The following EIF4G3 variants were observed in gnomAD, a reference collection of about 807,000 sequenced individuals.
EIF4G3 encodes eIF-4-gamma 3.
Under a neutral mutation model 186.4 loss-of-function variants are expected in EIF4G3, and 34 were observed. The ratio of observed to expected loss-of-function variants is 0.18; its 90% CI spans 0.14 to 0.24. EIF4G3 has a LOEUF of 0.24. EIF4G3 is among the 10% of genes least tolerant of loss of function. EIF4G3 has a pLI of 1.00. For missense variants in EIF4G3, 1,536 were observed against 1,948.5 expected (o/e 0.79, Z 3.99); for synonymous variants, 673 against 679.5 (o/e 0.99, Z 0.15).
chr1:21,056,209 T>C (rs747962484), intron 3 of EIF4G3, among the ~76,000 whole-genome samples: 15 of 152,180 alleles, frequency 9.9e-5, no homozygotes, highest in Non-Finnish European at 2.1e-4. Context: ...AAAAAGGCAC[T>C]TCCTCCTAAA....
At chr1:20,940,619 C>T (rs1451645959) in intron 14 of EIF4G3, among the ~76,000 whole-genome samples, 6 of 152,132 alleles carry the variant, frequency 3.9e-5, no homozygotes, top group African/African-American at 9.7e-5. Flanking sequence ...ATCAAAAAGC[C>T]CAATTTACAT....
At position 21,023,966 on chromosome 1, in the gene EIF4G3, G is replaced by A. The variant is rs1387672043; in HGVS notation, c.-66-21158C>T. Among the ~76,000 whole-genome samples, 3 of 82,378 alleles carry A rather than the reference G, an allele frequency of 3.6e-5. No homozygotes were observed. In the Admixed American group the frequency reaches 3.7e-4, roughly 10 times the overall value. 54.0% of individuals were successfully genotyped at this position (82,378 alleles called of 152,430 possible). On this transcript the variant is annotated intron_variant, in intron 4 of 36. Transcript: ENST00000602326. ...CCGGCCACGACCCCATCTGGGAGGT[G>A]AGGAGCGTCTCTGCCCGGCCGCCCA...
At chr1:20,972,950 A>T (rs971835152) in intron 11 of EIF4G3, 52 bp downstream of exon 11, 3 of 1,426,152 alleles carry the variant, frequency 2.1e-6, no homozygotes, top group African/African-American at 2.9e-5. Flanking sequence ...CTTATCTGAT[A>T]AGTGAATAGA....
At chr1:21,015,353 C>A (rs1396227673) in intron 4 of EIF4G3, among the ~76,000 whole-genome samples, 1 of 151,018 alleles carries the variant, frequency 6.6e-6, no homozygotes, top group East Asian at 1.9e-4. Context: ...AAGATTATTT[C>A]AAAAAAAATA....
At chr1:20,896,353 T>C (rs1244173451) in intron 16 of EIF4G3, among the ~76,000 whole-genome samples, 1 of 150,444 alleles carries the variant, frequency 6.6e-6, no homozygotes, top group African/African-American at 2.4e-5. Context: ...GGAAGATCAC[T>C]TGAGTCCAGG....
chr1:21,170,626 G>A (rs901209318), intron 2 of EIF4G3, among the ~76,000 whole-genome samples: 2 of 151,344 alleles, frequency 1.3e-5, no homozygotes, highest in Non-Finnish European at 2.9e-5. Flanking sequence ...AGCCGAGACT[G>A]CGCCACTGCA....
intron 20 of EIF4G3, 147 bp downstream of exon 20, chr1:20,879,176 T>G: frequency 1.7e-6 from 1 of 580,822 alleles, no homozygotes. Flanking sequence ...CAAGATTGTC[T>G]TTAATAATGA....
chr1:20,838,089 T>C (rs2067289409), intron 30 of EIF4G3, among the ~76,000 whole-genome samples: 1 of 152,184 alleles, frequency 6.6e-6, no homozygotes, highest in Non-Finnish European at 1.5e-5. Context: ...TGGTAATTAT[T>C]GCCGGCAACA....
intron 2 of EIF4G3, among the ~76,000 whole-genome samples, chr1:21,139,205 C>T (rs1388203105): frequency 2.0e-5 from 3 of 152,114 alleles, no homozygotes; most frequent in African/African-American, 7.2e-5. Flanking sequence ...TTTGCCAAAC[C>T]CTGTTTATAC....
At chr1:21,114,651 G>A (rs1468083085) in intron 2 of EIF4G3, among the ~76,000 whole-genome samples, 3 of 152,104 alleles carry the variant, frequency 2.0e-5, no homozygotes, top group African/African-American at 4.8e-5. Context: ...ACTGCTTTAT[G>A]TGTACTTCCC....
chr1:21,166,418 A>G (rs918398228), intron 2 of EIF4G3, among the ~76,000 whole-genome samples: 92 of 152,276 alleles, frequency 6.0e-4, no homozygotes, highest in South Asian at 1.7e-3. Context: ...AGACACAGCC[A>G]GACCCCATCT....
rs147250075 is a variant in EIF4G3 at position 20,958,564 on chromosome 1, G to T, written c.715-8453C>A. ...TCCTAGCTAGAGCAATTAGGTAAGA[G>T]AAAGAAATAAAGGGCATCCAAATTG... On this transcript the variant is annotated intron_variant, in intron 12 of 36. Coordinates refer to ENST00000602326, the MANE Select transcript of EIF4G3 (RefSeq NM_001391906.1). Among the ~76,000 whole-genome samples, 6 of 152,226 alleles carry T rather than the reference G, an allele frequency of 3.9e-5. No individual in the cohort carries two copies. The East Asian group carries it at 9.6e-4, about 24-fold the overall frequency.
chr1:21,108,562 C>T (rs573201475), intron 2 of EIF4G3, among the ~76,000 whole-genome samples: 3 of 152,124 alleles, frequency 2.0e-5, no homozygotes, highest in South Asian at 4.1e-4. Flanking sequence ...AATATAAGGA[C>T]TAATATAAAT....
At chr1:21,155,638 A>G (rs1017166752) in intron 2 of EIF4G3, among the ~76,000 whole-genome samples, 5 of 152,166 alleles carry the variant, frequency 3.3e-5, no homozygotes, top group African/African-American at 7.2e-5. Flanking sequence ...GGGAGTTTGC[A>G]GTGAGCTATG....
chr1:20,827,743 T>C, intron 31 of EIF4G3, 45 bp from the exon 32 acceptor site: 2 of 1,352,798 alleles, frequency 1.5e-6, no homozygotes, highest in Admixed American at 1.7e-5. Context: ...AAAGAAATCC[T>C]TTCTTCTAGA....
At chr1:21,142,620 CA>C (rs2097360180) in intron 2 of EIF4G3, among the ~76,000 whole-genome samples, 1 of 152,140 alleles carries the variant, frequency 6.6e-6, no homozygotes, top group Admixed American at 6.6e-5. Context: ...TAAATGGAAT[CA>C]GGAACCAAAC....
intron 14 of EIF4G3, among the ~76,000 whole-genome samples, chr1:20,924,437 TA>T (rs2094716823): frequency 6.6e-6 from 1 of 152,242 alleles, no homozygotes; most frequent in African/African-American, 2.4e-5. Context: ...CTGATATTAA[TA>T]AGAAGTGAGG....
At chr1:20,835,052 T>G (rs545031255) in intron 30 of EIF4G3, among the ~76,000 whole-genome samples, 1 of 15,916 alleles carries the variant, frequency 6.3e-5, no homozygotes, top group Non-Finnish European at 2.5e-3. Context: ...GCAATAAAAC[T>G]TGAACTCAGT....
At chr1:20,961,481 T>C (rs146673737) in intron 12 of EIF4G3, among the ~76,000 whole-genome samples, 2 of 152,312 alleles carry the variant, frequency 1.3e-5, no homozygotes, top group African/African-American at 4.8e-5. Context: ...CAAAGATAAA[T>C]ATTTGTCTTT....
Sources: gnomAD v4.1 joint callset for allele counts (sites outside exome capture counted in the v4.1 genomes callset) on GRCh38, gnomAD v4.1.1 for gene constraint, MANE v1.5 for transcripts, NCBI Gene and HGNC (gene_info 2026-07-23, HGNC 2026-07-21) for gene names.